Variants in SYT16 observed in about 807,000 individuals in gnomAD.
SYT16 encodes synaptotagmin-16.
A neutral mutation model predicts 61.4 loss-of-function variants in SYT16; 42 were observed. The ratio of observed to expected loss-of-function variants is 0.68; its 90% CI spans 0.53 to 0.89. The LOEUF (loss-of-function observed/expected upper bound fraction) is 0.89, where lower values mean the gene tolerates loss of function less well. SYT16 is among the 40% of genes least tolerant of loss of function. The pLI is 0.00. For missense variants in SYT16, 804 were observed against 807.3 expected, an observed-to-expected ratio of 1.00 and a Z score of 0.05; for synonymous variants, 314 against 302.3, an observed-to-expected ratio of 1.04 and a Z score of -0.40.
intron 1 of SYT16, among the ~76,000 whole-genome samples, chr14:61,906,389 C>T (rs576411477): frequency 6.6e-6 from 1 of 152,172 alleles, no homozygotes; most frequent in East Asian, 1.9e-4. Flanking sequence ...TTCAAGCGAT[C>T]CTCCCATCTC....
At chr14:61,982,894 T>C (rs1049238749) in intron 2 of SYT16, among the ~76,000 whole-genome samples, 1 of 152,162 alleles carries the variant, frequency 6.6e-6, no homozygotes, top group Non-Finnish European at 1.5e-5. Context: ...CTCTCCAAGA[T>C]ACATCCTGTC....
intron 2 of SYT16, among the ~76,000 whole-genome samples, chr14:61,984,444 T>C (rs997488520): frequency 2.6e-5 from 4 of 152,190 alleles, no homozygotes; most frequent in African/African-American, 9.6e-5. Context: ...CTTGGAAGAT[T>C]TTCCTTTCCA....
rs144082502 is a variant in SYT16 at position 61,909,540 on chromosome 14, G to C, written c.-324-60592G>C. Among the ~76,000 whole-genome samples, 1,000 of 152,280 alleles carry C rather than the reference G, an allele frequency of 6.6e-3. 8 individuals are homozygous for C. Among genetic ancestry groups the C allele is most frequent in the African/African-American group, 0.018 (744 of 41,560 alleles). ...TCTCCTTCCTGTGTGTCTCTCCTGTGTGACTCTTGGAAGGATACTTGTCAC... is the reference window on the plus strand; with the variant it reads ...TCTCCTTCCTGTGTGTCTCTCCTGTCTGACTCTTGGAAGGATACTTGTCAC... On this transcript the variant is annotated intron_variant, in intron 1 of 7. Coordinates refer to ENST00000683842, the MANE Select transcript of SYT16 (RefSeq NM_001367656.1).
chr14:61,856,490 GA>G (rs1215458244), intron 1 of SYT16, among the ~76,000 whole-genome samples: 2 of 152,318 alleles, frequency 1.3e-5, no homozygotes, highest in East Asian at 1.9e-4. Flanking sequence ...ACTGAAGTAT[GA>G]GAGATACTGA....
intron 1 of SYT16, among the ~76,000 whole-genome samples, chr14:61,813,384 T>C (rs2045328378): frequency 6.6e-6 from 1 of 152,220 alleles, no homozygotes; most frequent in Non-Finnish European, 1.5e-5. Context: ...TGGAAGGCGC[T>C]GGGTTGGCCT....
intron 1 of SYT16, among the ~76,000 whole-genome samples, chr14:61,888,785 A>AG (rs1326225786): frequency 3.3e-5 from 5 of 152,092 alleles, no homozygotes; most frequent in African/African-American, 1.2e-4. Flanking sequence ...AAAAAAAAAA[A>AG]AAGCAATATC....
In SYT16 at chr14:61,832,142, A is replaced by G. The variant is rs567544376; in HGVS notation, c.-325+19332A>G. ...GAATGTGATACAACTCGACTTTCCCATCCGTGGAGCGGTTGCTCCAGGAGG... is the reference window on the plus strand; with the variant it reads ...GAATGTGATACAACTCGACTTTCCCGTCCGTGGAGCGGTTGCTCCAGGAGG... On this transcript the variant is annotated intron_variant, in intron 1 of 7. Transcript: ENST00000683842. 2.8e-6 allele frequency: 2 copies of G among 707,558 alleles called. 1 individual carries two copies. The highest frequency in any genetic ancestry group is 2.8e-5 in the South Asian group (2 of 71,164). 43.8% of individuals were successfully genotyped at this position (707,558 alleles called of 1,614,324 possible).
intron 1 of SYT16, among the ~76,000 whole-genome samples, chr14:61,890,411 C>T (rs977682317): frequency 2.7e-5 from 4 of 150,398 alleles, no homozygotes; most frequent in Non-Finnish European, 5.9e-5. Context: ...CTGACCCAAC[C>T]AAAGTGGAGG....
At position 62,075,273 on chromosome 14, in the gene SYT16, T is replaced by G; in HGVS notation, c.875T>G (p.Val292Gly). Residue 292 changes from valine to glycine, a missense_variant, in exon 5 of 8, where the codon GTG becomes GGG. Transcript: ENST00000683842. Reference sequence around the variant, plus strand: ...GGCACATCTCACCAAGAGTCCAGTGTGGTCCAAAGCCTCAGGCGCCAATCC... The same window carrying G: ...GGCACATCTCACCAAGAGTCCAGTGGGGTCCAAAGCCTCAGGCGCCAATCC... ...HHGTSHQESSVVQSLRRQSTE... is the reference protein window; with the variant it reads ...HHGTSHQESSGVQSLRRQSTE... The G allele has an allele frequency of 1.9e-6, 3 of 1,613,768 alleles. No individual in the cohort carries two copies. The highest frequency in any genetic ancestry group is 2.5e-6 in the Non-Finnish European group (3 of 1,179,828).
intron 5 of SYT16, among the ~76,000 whole-genome samples, chr14:62,075,861 C>A (rs758318009): frequency 6.6e-6 from 1 of 152,134 alleles, no homozygotes; most frequent in Non-Finnish European, 1.5e-5. Context: ...AATGAAATGG[C>A]CTTCCAAGTG....
chr14:61,986,277 C>T (rs190426277), intron 2 of SYT16, among the ~76,000 whole-genome samples: 6 of 151,870 alleles, frequency 4.0e-5, no homozygotes, highest in East Asian at 3.9e-4. Flanking sequence ...TAAGCTTTAG[C>T]GTAGCTCCTA....
chr14:61,999,770 A>T (rs1166270271), intron 3 of SYT16, among the ~76,000 whole-genome samples: 1 of 151,784 alleles, frequency 6.6e-6, no homozygotes, highest in African/African-American at 2.4e-5. Flanking sequence ...CATTCAATTA[A>T]AAATATTTTC....
chr14:61,936,323 G>C, intron 1 of SYT16, among the ~76,000 whole-genome samples: 1 of 151,940 alleles, frequency 6.6e-6, no homozygotes, highest in South Asian at 2.1e-4. Flanking sequence ...TCCCAGCAAA[G>C]AAAAAAGTAC....
intron 3 of SYT16, among the ~76,000 whole-genome samples, chr14:62,057,067 C>T (rs1364909421): frequency 6.6e-6 from 1 of 152,186 alleles, no homozygotes; most frequent in African/African-American, 2.4e-5. Flanking sequence ...GCAAAGGCCC[C>T]GTGGTCAGCC....
intron 3 of SYT16, among the ~76,000 whole-genome samples, chr14:62,043,668 A>G (rs565943206): frequency 2.6e-5 from 4 of 152,222 alleles, no homozygotes; most frequent in African/African-American, 9.6e-5. Flanking sequence ...TGGCCTCCCA[A>G]AGTGCTGGGA....
At chr14:61,897,735 C>T (rs537949918) in intron 1 of SYT16, among the ~76,000 whole-genome samples, 21 of 152,086 alleles carry the variant, frequency 1.4e-4, no homozygotes, top group African/African-American at 4.8e-4. Flanking sequence ...ATGAGGGAGG[C>T]AAGCAGAAGC....
At chr14:61,913,704 T>TTGTGTGTGTGTGTG (rs56758661) in intron 1 of SYT16, among the ~76,000 whole-genome samples, 15,482 of 145,712 alleles carry the variant, frequency 0.11, 1,056 homozygotes, top group African/African-American at 0.19. Context: ...CTTTGGGTCT[T>TTGTGTGTGTGTGTG]TGTGTGTGTG....
At chr14:61,945,672 A>T (rs945721180) in intron 1 of SYT16, among the ~76,000 whole-genome samples, 1 of 151,582 alleles carries the variant, frequency 6.6e-6, no homozygotes, top group Non-Finnish European at 1.5e-5. Flanking sequence ...TGGCTAACAC[A>T]GTGAAACCCC....
At chr14:61,851,768 T>C (rs947726120) in intron 1 of SYT16, among the ~76,000 whole-genome samples, 2 of 152,346 alleles carry the variant, frequency 1.3e-5, no homozygotes, top group African/African-American at 4.8e-5. Context: ...TTGCTTTTTT[T>C]CTTGCAAATT....
Sources: gnomAD v4.1 joint callset for allele counts (sites outside exome capture counted in the v4.1 genomes callset) on GRCh38, gnomAD v4.1.1 for gene constraint, MANE v1.5 for transcripts, NCBI Gene and HGNC (gene_info 2026-07-23, HGNC 2026-07-21) for gene names.